The following RPS6KC1 variants were observed in gnomAD, a reference collection of about 807,000 sequenced individuals.
RPS6KC1 encodes the protein ribosomal protein S6 kinase C1.
RPS6KC1 carries 54 observed loss-of-function variants against 103.8 expected under a neutral mutation model. That is an observed-to-expected ratio of 0.52 (90% CI 0.42 to 0.65). The LOEUF (loss-of-function observed/expected upper bound fraction) is 0.65. RPS6KC1 is among the 30% of genes least tolerant of loss of function. RPS6KC1 has a pLI of 0.00. For synonymous variants in RPS6KC1, 439 were observed against 438.7 expected (o/e 1.00, Z -0.01); for missense variants, 1,151 against 1,253.8 (o/e 0.92, Z 1.24).
chr1:213,534,961 C>T, the RPS6KC1 span, among the ~76,000 whole-genome samples: 8 of 152,234 alleles, frequency 5.3e-5, no homozygotes, highest in African/African-American at 1.9e-4. Flanking sequence ...CGATTAAGTT[C>T]GCACTGAGGA....
At chr1:213,349,187 A>G in the RPS6KC1 span, among the ~76,000 whole-genome samples, 2 of 152,156 alleles carry the variant, frequency 1.3e-5, no homozygotes, top group Non-Finnish European at 2.9e-5. Context: ...TTTCCTTTCT[A>G]AGTAAAGAGA....
At chr1:213,370,235 GTTATT>G in the RPS6KC1 span, among the ~76,000 whole-genome samples, 3 of 139,048 alleles carry the variant, frequency 2.2e-5, no homozygotes, top group African/African-American at 9.5e-5. Context: ...CTGCTTCTCT[GTTATT>G]TTATTTTATT....
rs1456453340 is a variant in RPS6KC1 at position 213,104,577 on chromosome 1, A to T, written c.378+8A>T. 24 of 1,442,298 alleles carry T rather than the reference A, an allele frequency of 1.7e-5. No individual in the cohort carries two copies. The highest frequency in any genetic ancestry group is 2.2e-5 in the Non-Finnish European group (23 of 1,037,268). The allele number at this position is 1,442,298 out of a possible 1,614,324, so 89.3% of individuals were successfully genotyped here. A position where few individuals can be genotyped will look rare whatever the true frequency, so the allele number is the denominator to read the frequency against. Reference sequence around the variant, plus strand: ...CTTGAAGACTTTTTCAAGGTTTGGTAGTCTTTCTGGAATATTTTATATCTT... The same window carrying T: ...CTTGAAGACTTTTTCAAGGTTTGGTTGTCTTTCTGGAATATTTTATATCTT... On this transcript the variant is annotated splice_region_variant and intron_variant, in intron 4 of 14. Transcript: ENST00000366960.
At chr1:213,478,193 G>A in the RPS6KC1 span, among the ~76,000 whole-genome samples, 1 of 152,052 alleles carries the variant, frequency 6.6e-6, no homozygotes, top group Non-Finnish European at 1.5e-5. Flanking sequence ...TGACTGGATA[G>A]CTCATTTCTT....
the RPS6KC1 span, among the ~76,000 whole-genome samples, chr1:213,515,857 C>A: frequency 6.6e-6 from 1 of 152,112 alleles, no homozygotes; most frequent in Non-Finnish European, 1.5e-5. Context: ...TCTTCCTACC[C>A]ATGAGCATGG....
the RPS6KC1 span, among the ~76,000 whole-genome samples, chr1:213,768,344 T>C: frequency 6.6e-6 from 1 of 152,096 alleles, no homozygotes; most frequent in Non-Finnish European, 1.5e-5. Context: ...GGATTCCTTT[T>C]AGTTTCCCCT....
intron 3 of RPS6KC1, among the ~76,000 whole-genome samples, chr1:213,096,056 C>G (rs1029825645): frequency 2.0e-5 from 3 of 152,198 alleles, no homozygotes; most frequent in African/African-American, 7.2e-5. Flanking sequence ...AGTAGAACTT[C>G]TTTCAGAATT....
At chr1:213,405,002 T>C in the RPS6KC1 span, among the ~76,000 whole-genome samples, 1 of 152,340 alleles carries the variant, frequency 6.6e-6, no homozygotes, top group Middle Eastern at 3.4e-3. Flanking sequence ...CACCTTTCAA[T>C]TCTGCGGCGT....
At chr1:213,771,225 G>A in the RPS6KC1 span, among the ~76,000 whole-genome samples, 3 of 152,168 alleles carry the variant, frequency 2.0e-5, no homozygotes, top group Non-Finnish European at 2.9e-5. Context: ...AGGAAAGAGT[G>A]AGTGCATTGA....
the RPS6KC1 span, among the ~76,000 whole-genome samples, chr1:213,491,609 C>A: frequency 6.6e-6 from 1 of 152,092 alleles, no homozygotes; most frequent in Non-Finnish European, 1.5e-5. Context: ...CAAGGCGTTG[C>A]CTTTGAAGAG....
chr1:213,618,881 A>G, the RPS6KC1 span, among the ~76,000 whole-genome samples: 2 of 152,238 alleles, frequency 1.3e-5, no homozygotes, highest in South Asian at 2.1e-4. Flanking sequence ...TTGGAGGGAT[A>G]CAAAAAATAA....
the RPS6KC1 span, among the ~76,000 whole-genome samples, chr1:213,841,607 C>T: frequency 2.0e-5 from 3 of 152,290 alleles, no homozygotes; most frequent in East Asian, 5.8e-4. Flanking sequence ...TCCCCCAATC[C>T]CCACCATTGC....
At chr1:213,704,367 G>A in the RPS6KC1 span, among the ~76,000 whole-genome samples, 3 of 114,968 alleles carry the variant, frequency 2.6e-5, no homozygotes, top group Admixed American at 1.3e-4. Flanking sequence ...CAGCCTGGGC[G>A]ACAGCGAGAC....
At chr1:213,212,059 T>C (rs1287965516) in intron 8 of RPS6KC1, among the ~76,000 whole-genome samples, 4 of 152,140 alleles carry the variant, frequency 2.6e-5, no homozygotes, top group Non-Finnish European at 5.9e-5. Flanking sequence ...TTTATTACAA[T>C]TGATGACCTT....
At chr1:213,829,268 C>CCA in the RPS6KC1 span, among the ~76,000 whole-genome samples, 1 of 114,378 alleles carries the variant, frequency 8.7e-6, no homozygotes, top group African/African-American at 3.2e-5. Context: ...TCGTTTGTTT[C>CCA]AAAAAAAAAA....
chr1:213,580,600 G>T, the RPS6KC1 span, among the ~76,000 whole-genome samples: 2 of 151,888 alleles, frequency 1.3e-5, no homozygotes, highest in Middle Eastern at 3.2e-3. Flanking sequence ...AGGAAGAGTC[G>T]ATTGATGTGG....
At chr1:213,068,642 T>G (rs1398290820) in intron 1 of RPS6KC1, among the ~76,000 whole-genome samples, 1 of 152,028 alleles carries the variant, frequency 6.6e-6, no homozygotes, top group East Asian at 1.9e-4. Context: ...TAGTTGTTAG[T>G]TACCTGTTAT....
intron 4 of RPS6KC1, among the ~76,000 whole-genome samples, chr1:213,114,139 A>G (rs951455639): frequency 1.3e-5 from 2 of 151,932 alleles, no homozygotes; most frequent in African/African-American, 4.8e-5. Flanking sequence ...GAATCTGTAA[A>G]TTACCTTGGG....
chr1:213,534,746 G>A, the RPS6KC1 span, among the ~76,000 whole-genome samples: 1 of 152,232 alleles, frequency 6.6e-6, no homozygotes, highest in African/African-American at 2.4e-5. Flanking sequence ...TGTGCTAGGA[G>A]TTGAGCAGTC....
Sources: allele counts gnomAD v4.1 joint callset (sites outside exome capture counted in the v4.1 genomes callset), GRCh38; gene constraint gnomAD v4.1.1; transcripts MANE v1.5; gene names NCBI Gene and HGNC (gene_info 2026-07-23, HGNC 2026-07-21).